The following ARHGAP6 variants were observed in gnomAD, a reference collection of about 807,000 sequenced individuals.
The protein encoded by ARHGAP6 is rho GTPase-activating protein 6.
ARHGAP6 carries 16 observed loss-of-function variants against 55.7 expected under a neutral mutation model. The observed-to-expected ratio is 0.29, with a 90% CI of 0.19 to 0.44. ARHGAP6 has a LOEUF of 0.44. ARHGAP6 is among the 20% of genes least tolerant of loss of function. The pLI is 1.00. For synonymous variants in ARHGAP6, 382 were observed against 360.9 expected, an observed-to-expected ratio of 1.06 and a Z score of -0.66; for missense variants, 698 against 808.9, an observed-to-expected ratio of 0.86 and a Z score of 1.66.
At position 11,664,814 on chromosome X, in the gene ARHGAP6, G is replaced by A. The variant is rs1180056440; in HGVS notation, c.15C>T (p.Ser5=). MSAQ[S]LLHSVFSCSS... is the part of the protein sequence containing the mutation. ...AACAGGAGAAGACGCTGTGGAGCAG[G>A]CTCTGCGCGGACATCTCGGCGGGGC... The change falls in exon 1 of 13, where the codon AGC becomes AGT. Residue 5 remains serine, a synonymous_variant. Transcript: ENST00000337414. 5.9e-6 allele frequency: 7 copies of A among 1,192,630 alleles called. No homozygotes were observed. In the South Asian group the frequency reaches 1.3e-4, roughly 22 times the overall value.
chrX:11,524,666 G>A (rs1024033304), intron 1 of ARHGAP6, among the ~76,000 whole-genome samples: 28 of 111,472 alleles, frequency 2.5e-4, no homozygotes, highest in African/African-American at 8.8e-4. Flanking sequence ...AACCTTCTTG[G>A]CACCAGGGAG....
intron 1 of ARHGAP6, among the ~76,000 whole-genome samples, chrX:11,529,451 AG>A (rs1296475497): frequency 1.9e-4 from 21 of 112,362 alleles, no homozygotes; most frequent in Non-Finnish European, 3.4e-4. Context: ...TTTAAAAATT[AG>A]GTTCAATAGA....
intron 1 of ARHGAP6, among the ~76,000 whole-genome samples, chrX:11,354,163 C>T (rs964401539): frequency 9.2e-6 from 1 of 108,155 alleles, no homozygotes; most frequent in Non-Finnish European, 1.9e-5. Context: ...AATGTCTAAA[C>T]TAGTTAGGGT....
intron 1 of ARHGAP6, chrX:11,266,033 CTG>C (rs56408947): frequency 0.073 from 12,079 of 166,305 alleles, 986 homozygotes; most frequent in African/African-American, 0.2. Flanking sequence ...GCGTGTGTGC[CTG>C]TGTGTGTGTG....
chrX:11,392,775 C>T (rs1182647947), intron 1 of ARHGAP6, among the ~76,000 whole-genome samples: 1 of 111,844 alleles, frequency 8.9e-6, no homozygotes, highest in Non-Finnish European at 1.9e-5. Context: ...TCAACTTCTC[C>T]TAGCTGACTT....
chrX:11,367,794 C>T (rs1377258744), intron 1 of ARHGAP6: 3 of 752,122 alleles, frequency 4.0e-6, no homozygotes, highest in South Asian at 1.4e-4. Context: ...GACTTCCAGG[C>T]TTCCGCCCTA....
chrX:11,247,311 G>T (rs2047366759), intron 2 of ARHGAP6, among the ~76,000 whole-genome samples: 1 of 112,373 alleles, frequency 8.9e-6, no homozygotes, highest in African/African-American at 3.2e-5. Flanking sequence ...GAAGAAAACA[G>T]CTCTAAAGAA....
At chrX:11,245,679 A>G (rs982140418) in intron 2 of ARHGAP6, among the ~76,000 whole-genome samples, 5 of 112,127 alleles carry the variant, frequency 4.5e-5, no homozygotes, top group African/African-American at 1.6e-4. Flanking sequence ...AATGAAAGAG[A>G]ATCAGATAGA....
intron 1 of ARHGAP6, among the ~76,000 whole-genome samples, chrX:11,573,529 T>C: frequency 9.1e-6 from 1 of 109,558 alleles, no homozygotes; most frequent in South Asian, 4.0e-4. Flanking sequence ...GGCTCTGTTC[T>C]GTTCCATTGA....
At chrX:11,356,187 C>T (rs930364758) in intron 1 of ARHGAP6, among the ~76,000 whole-genome samples, 2 of 110,079 alleles carry the variant, frequency 1.8e-5, no homozygotes, top group Non-Finnish European at 3.8e-5. Flanking sequence ...ACCACATGTT[C>T]TCACTCATAA....
chrX:11,334,103 A>C (rs2048597919), intron 1 of ARHGAP6: 1 of 105,782 alleles, frequency 9.5e-6, no homozygotes. Context: ...AGTATTACGC[A>C]CTGTGGTTAA....
At chrX:11,422,919 A>T (rs1043047552) in intron 1 of ARHGAP6, among the ~76,000 whole-genome samples, 1 of 111,763 alleles carries the variant, frequency 8.9e-6, no homozygotes, top group African/African-American at 3.3e-5. Flanking sequence ...CTTCCACACC[A>T]AAGAGGCCTC....
chrX:11,457,989 A>G (rs1030220699), intron 1 of ARHGAP6, among the ~76,000 whole-genome samples: 1 of 112,147 alleles, frequency 8.9e-6, no homozygotes, highest in Non-Finnish European at 1.9e-5. Context: ...TGGAAAATCC[A>G]TACCAAGACA....
At chrX:11,321,985 A>C (rs2048438293) in intron 1 of ARHGAP6, among the ~76,000 whole-genome samples, 2 of 112,568 alleles carry the variant, frequency 1.8e-5, no homozygotes, top group Admixed American at 9.4e-5. Flanking sequence ...TTAAGAGATT[A>C]TCTTTTCTTT....
chrX:11,505,652 A>G (rs901289585), intron 1 of ARHGAP6, among the ~76,000 whole-genome samples: 2 of 111,849 alleles, frequency 1.8e-5, no homozygotes, highest in African/African-American at 6.5e-5. Context: ...ATCAACCTAA[A>G]TGCCCATCAA....
intron 1 of ARHGAP6, among the ~76,000 whole-genome samples, chrX:11,265,094 C>A (rs961019672): frequency 8.9e-5 from 10 of 112,557 alleles, no homozygotes; most frequent in Middle Eastern, 4.6e-3. Context: ...GCTGCAGTGG[C>A]ATAATGGGAT....
chrX:11,345,244 A>G (rs2048765185), intron 1 of ARHGAP6, among the ~76,000 whole-genome samples: 1 of 109,817 alleles, frequency 9.1e-6, no homozygotes, highest in South Asian at 3.9e-4. Flanking sequence ...ATACTATAAA[A>G]TCAATATTCT....
At chrX:11,336,788 G>T (rs1435696894) in intron 1 of ARHGAP6, among the ~76,000 whole-genome samples, 1 of 111,825 alleles carries the variant, frequency 8.9e-6, no homozygotes, top group Non-Finnish European at 1.9e-5. Flanking sequence ...CAATTCCCAA[G>T]CAACATTCAT....
At chrX:11,541,028 C>A (rs766521674) in intron 1 of ARHGAP6, among the ~76,000 whole-genome samples, 1 of 112,087 alleles carries the variant, frequency 8.9e-6, no homozygotes, top group Non-Finnish European at 1.9e-5. Context: ...TCCACAGGCA[C>A]GCAAATGTTT....
Sources: allele counts gnomAD v4.1 joint callset (sites outside exome capture counted in the v4.1 genomes callset), GRCh38; gene constraint gnomAD v4.1.1; transcripts MANE v1.5; gene names NCBI Gene and HGNC (gene_info 2026-07-23, HGNC 2026-07-21).